Variants in NT5C3A observed in about 807,000 individuals in gnomAD.
NT5C3A encodes the protein 5'-nucleotidase, cytosolic IIIA.
NT5C3A carries 23 observed loss-of-function variants against 40.0 expected under a neutral mutation model. That is an observed-to-expected ratio of 0.58 (90% CI 0.41 to 0.81). The LOEUF (loss-of-function observed/expected upper bound fraction) is 0.81. Among genes scored for constraint, NT5C3A ranks in the 40% least tolerant of loss-of-function variants. NT5C3A has a pLI of 0.00. For synonymous variants in NT5C3A, 130 were observed against 141.4 expected (o/e 0.92, Z 0.57); for missense variants, 328 against 403.0 (o/e 0.81, Z 1.59).
intron 1 of NT5C3A, chr7:33,036,186 T>C (rs1786594734): frequency 5.1e-6 from 3 of 586,892 alleles, no homozygotes; most frequent in Admixed American, 5.7e-5. Flanking sequence ...GTGGATGCCT[T>C]GGATAATCCA....
chr7:33,057,029 T>C (rs1339912974), intron 1 of NT5C3A, among the ~76,000 whole-genome samples: 5 of 152,076 alleles, frequency 3.3e-5, no homozygotes, highest in African/African-American at 1.2e-4. Flanking sequence ...GTCAGGCTGG[T>C]CTCGAACTCC....
chr7:33,025,648 A>C (rs1367007536), intron 2 of NT5C3A, among the ~76,000 whole-genome samples: 5 of 152,214 alleles, frequency 3.3e-5, no homozygotes, highest in Non-Finnish European at 5.9e-5. Context: ...ATTATCCTTA[A>C]AATGGTTTAA....
chr7:33,054,771 G>A (rs992933060), intron 1 of NT5C3A, among the ~76,000 whole-genome samples: 3 of 152,228 alleles, frequency 2.0e-5, no homozygotes, highest in African/African-American at 7.2e-5. Context: ...TCAGCCACTT[G>A]TGTGGCATCA....
intron 4 of NT5C3A, 124 bp downstream of exon 4, chr7:33,021,929 T>C: frequency 1.4e-6 from 1 of 693,990 alleles, no homozygotes; most frequent in Non-Finnish European, 2.7e-6. Flanking sequence ...GTGCTTACTA[T>C]GTGCCAGGTA....
chr7:33,040,987 T>C (rs1786886674), intron 1 of NT5C3A: 1 of 985,456 alleles, frequency 1.0e-6, no homozygotes, highest in Non-Finnish European at 1.2e-6. Context: ...CTAAGCCCTA[T>C]GCAAAAACCT....
At chr7:33,028,892 G>A (rs3793330) in intron 1 of NT5C3A, among the ~76,000 whole-genome samples, 115,577 of 151,528 alleles carry the variant, frequency 0.76, 44,476 homozygotes, top group African/African-American at 0.86. Context: ...TGTCTCTACT[G>A]AAAACATAAA....
chr7:33,060,366 CTTCTTT>C (rs1397303650), intron 1 of NT5C3A, among the ~76,000 whole-genome samples: 20 of 115,616 alleles, frequency 1.7e-4, no homozygotes, highest in Admixed American at 1.6e-3. Context: ...TCTTGCTTTC[CTTCTTT>C]TTTTTTTTTT....
At chr7:33,038,462 AAG>A (rs1471912668) in intron 1 of NT5C3A, among the ~76,000 whole-genome samples, 4 of 152,074 alleles carry the variant, frequency 2.6e-5, no homozygotes, top group African/African-American at 9.7e-5. Context: ...AATAAAAACA[AAG>A]AGTGATAAGA....
chr7:33,049,263 G>A (rs1281293984), intron 1 of NT5C3A, among the ~76,000 whole-genome samples: 1 of 152,092 alleles, frequency 6.6e-6, no homozygotes, highest in Non-Finnish European at 1.5e-5. Context: ...ATACCCTGAA[G>A]TAAACAAGGC....
rs146753958 is a variant in NT5C3A at position 33,015,507 on chromosome 7, G to A, written c.894+163C>T. The stretch of plus-strand genomic sequence containing the variant: ...GAGCCGGGAAGGTCGAGGCTGCAGT[G>A]AGATGTGATTGCATCACTACACTCT... On this transcript the variant is annotated intron_variant, in intron 8 of 8. Transcript: ENST00000610140. 6.0e-3 allele frequency among the ~76,000 whole-genome samples: 912 copies of A among 152,194 alleles called. 9 individuals are homozygous for A. Among genetic ancestry groups the A allele is most frequent in the African/African-American group, 0.021 (869 of 41,514 alleles).
intron 1 of NT5C3A, among the ~76,000 whole-genome samples, chr7:33,061,602 T>C (rs1562607806): frequency 6.6e-6 from 1 of 152,232 alleles, no homozygotes; most frequent in Non-Finnish European, 1.5e-5. Context: ...ATCGTGTCTT[T>C]CGTCAGTTGG....
intron 1 of NT5C3A, chr7:33,029,768 T>C (rs1786145595): frequency 8.7e-7 from 1 of 1,149,392 alleles, no homozygotes; most frequent in African/African-American, 1.6e-5. Context: ...GGTCTTGCTG[T>C]GTTTCCCAGG....
At chr7:33,049,394 G>T (rs1787274079) in intron 1 of NT5C3A, among the ~76,000 whole-genome samples, 1 of 152,020 alleles carries the variant, frequency 6.6e-6, no homozygotes, top group Non-Finnish European at 1.5e-5. Flanking sequence ...TTTGAACCAA[G>T]GACTTACCAA....
At chr7:33,062,467 C>G (rs1029220196) in intron 1 of NT5C3A, 101 bp downstream of exon 1, 2 of 1,087,214 alleles carry the variant, frequency 1.8e-6, no homozygotes, top group Non-Finnish European at 2.7e-6. Flanking sequence ...CCGGCAGCTC[C>G]CCGTCGCGAC....
intron 1 of NT5C3A, among the ~76,000 whole-genome samples, chr7:33,059,917 A>C (rs1017932640): frequency 4.6e-5 from 7 of 152,052 alleles, no homozygotes; most frequent in Non-Finnish European, 8.8e-5. Context: ...CTTCCAGTCC[A>C]CCTTATCTCA....
chr7:33,023,242 A>T (rs1785733391), intron 3 of NT5C3A, among the ~76,000 whole-genome samples: 1 of 151,796 alleles, frequency 6.6e-6, no homozygotes, highest in Non-Finnish European at 1.5e-5. Flanking sequence ...ACAAGTTATC[A>T]AAATAATTTT....
intron 1 of NT5C3A, among the ~76,000 whole-genome samples, chr7:33,052,662 T>C (rs888503228): frequency 1.3e-5 from 2 of 152,194 alleles, no homozygotes; most frequent in African/African-American, 4.8e-5. Context: ...AGTAATTGTC[T>C]GGCAGCACCG....
rs181671227 is a variant in NT5C3A at position 33,017,477 on chromosome 7, C to T, written c.655G>A (p.Val219Ile). ...TCCATAAAATTGGACACAACTTTGACATTGGGATGATAAACACCAGCTTGA... is the reference window on the plus strand; with the variant it reads ...TCCATAAAATTGGACACAACTTTGATATTGGGATGATAAACACCAGCTTGA... Reference protein sequence around the residue: ...IRQAGVYHPNVKVVSNFMDFD... With the variant: ...IRQAGVYHPNIKVVSNFMDFD... The change falls in exon 7 of 9, where the codon GTC becomes ATC. Residue 219 changes from valine to isoleucine, a missense_variant. Physicochemically the swap from Val to Ile is conservative, Grantham distance 29 (BLOSUM62 3). Coordinates refer to ENST00000610140, the MANE Select transcript of NT5C3A (RefSeq NM_001002010.5). The T allele has an allele frequency of 4.1e-5, 66 of 1,613,472 alleles. No individual in the cohort carries two copies. The East Asian group carries it at 1.3e-3, about 32-fold the overall frequency.
intron 1 of NT5C3A, among the ~76,000 whole-genome samples, chr7:33,052,036 A>C (rs1787389383): frequency 1.3e-5 from 2 of 152,336 alleles, no homozygotes; most frequent in South Asian, 4.1e-4. Context: ...GTCATTAGTA[A>C]AACTAGAAAC....
Sources: allele counts gnomAD v4.1 joint callset (sites outside exome capture counted in the v4.1 genomes callset), GRCh38; gene constraint gnomAD v4.1.1; transcripts MANE v1.5; gene names NCBI Gene and HGNC (gene_info 2026-07-23, HGNC 2026-07-21).